DARS1: variants seen among roughly 807,000 people sequenced by gnomAD.
DARS1 encodes the protein aspartate--tRNA ligase, cytoplasmic.
A neutral mutation model predicts 68.8 loss-of-function variants in DARS1; 51 were observed. The observed-to-expected ratio is 0.74, with a 90% CI of 0.59 to 0.94. The LOEUF is 0.94. DARS1 is among the 40% of genes least tolerant of loss of function. DARS1 has a pLI of 0.00. For synonymous variants in DARS1, 203 were observed against 190.4 expected, an observed-to-expected ratio of 1.07 and a Z score of -0.55; for missense variants, 607 against 597.3, an observed-to-expected ratio of 1.02 and a Z score of -0.17.
chr2:135,966,525 T>C (rs1288698186), intron 3 of DARS1, among the ~76,000 whole-genome samples: 3 of 152,118 alleles, frequency 2.0e-5, no homozygotes, highest in Admixed American at 6.5e-5. Context: ...TCTTTTGATA[T>C]TTTATTTGTT....
At chr2:135,937,838 TA>T (rs1244341929) in intron 5 of DARS1, among the ~76,000 whole-genome samples, 4 of 152,240 alleles carry the variant, frequency 2.6e-5, no homozygotes, top group Admixed American at 2.6e-4. Flanking sequence ...TTCTGGCTTG[TA>T]AAGTTTCTGC....
Position 135,985,385 on chromosome 2 carries a change from G to C in DARS1, c.66+18C>G. 1 of 1,612,862 alleles carries C rather than the reference G, an allele frequency of 6.2e-7. No individual in the cohort carries two copies. Among genetic ancestry groups the C allele is most frequent in the Non-Finnish European group, 8.5e-7 (1 of 1,179,542 alleles). ...CCAGGGGTCTGTCCTCCCAGGCCCAGGAAAGGAGGAAACCCACTTCCGCCG... is the reference window on the plus strand; with the variant it reads ...CCAGGGGTCTGTCCTCCCAGGCCCACGAAAGGAGGAAACCCACTTCCGCCG... On this transcript the variant is annotated intron_variant, in intron 1 of 15. Coordinates refer to ENST00000264161, the MANE Select transcript of DARS1 (RefSeq NM_001349.4).
chr2:135,953,542 A>G (rs2104827336), intron 4 of DARS1, among the ~76,000 whole-genome samples: 1 of 152,358 alleles, frequency 6.6e-6, no homozygotes, highest in East Asian at 1.9e-4. Flanking sequence ...AAAAGCCCAA[A>G]GCCTAAGCAA....
chr2:135,907,300 G>A lies in DARS1; in HGVS notation c.*16C>T, dbSNP rs1680807201. 7.1e-7 allele frequency: 1 copy of A among 1,411,482 alleles called. No homozygotes were observed. The highest frequency in any genetic ancestry group is 9.7e-7 in the Non-Finnish European group (1 of 1,028,880). The allele number at this position is 1,411,482 out of a possible 1,614,324, so 87.4% of individuals were successfully genotyped here. A position where few individuals can be genotyped will look rare whatever the true frequency, so the allele number is the denominator to read the frequency against. On this transcript the variant is annotated 3_prime_UTR_variant, in exon 16 of 16. Transcript: ENST00000264161. Reference sequence around the variant, plus strand: ...GCTCTGTCATCCACACTGGAGTTAAGTGGCAAAGTGTGAATTTAAGGAGTG... The same window carrying A: ...GCTCTGTCATCCACACTGGAGTTAAATGGCAAAGTGTGAATTTAAGGAGTG...
intron 7 of DARS1, among the ~76,000 whole-genome samples, chr2:135,925,957 C>T (rs1681203979): frequency 6.6e-6 from 1 of 152,184 alleles, no homozygotes; most frequent in South Asian, 2.1e-4. Flanking sequence ...TTCAACTAAA[C>T]CTGGCTCACT....
Position 135,958,112 on chromosome 2 carries a change from C to A in DARS1, c.320+3284G>T, listed in dbSNP as rs964538927. 2.0e-4 allele frequency among the ~76,000 whole-genome samples: 30 copies of A among 152,132 alleles called. No individual in the cohort carries two copies. In the South Asian group the frequency reaches 3.3e-3, roughly 17 times the overall value. Reference sequence around the variant, plus strand: ...AGGATATTTCAGCTTCACAATTAACCAAAATTCTGCAAAGAGTAATCTAAG... The same window carrying A: ...AGGATATTTCAGCTTCACAATTAACAAAAATTCTGCAAAGAGTAATCTAAG... On this transcript the variant is annotated intron_variant, in intron 4 of 15. Transcript: ENST00000264161.
intron 3 of DARS1, among the ~76,000 whole-genome samples, chr2:135,971,976 T>C (rs1682380371): frequency 6.6e-6 from 1 of 152,098 alleles, no homozygotes; most frequent in Non-Finnish European, 1.5e-5. Context: ...TGTTCATGGA[T>C]GGGAAGAATC....
chr2:135,923,816 G>C (rs759996863), intron 8 of DARS1, among the ~76,000 whole-genome samples: 1 of 152,124 alleles, frequency 6.6e-6, no homozygotes, highest in Non-Finnish European at 1.5e-5. Flanking sequence ...TTGGGAGTTC[G>C]AGACCAGCCT....
chr2:135,913,988 A>T (rs1680949580), intron 12 of DARS1, among the ~76,000 whole-genome samples: 1 of 152,128 alleles, frequency 6.6e-6, no homozygotes, highest in Admixed American at 6.5e-5. Flanking sequence ...TCATTATATC[A>T]TTATCTTAAA....
In DARS1 at chr2:135,957,627, G is replaced by T. The variant is rs137906863; in HGVS notation, c.320+3769C>A. Among the ~76,000 whole-genome samples the T allele has an allele frequency of 2.3e-3, 357 of 152,248 alleles. 1 individual carries two copies. Among genetic ancestry groups the T allele is most frequent in the African/African-American group, 6.4e-3 (265 of 41,550 alleles). On this transcript the variant is annotated intron_variant, in intron 4 of 15. Coordinates refer to ENST00000264161, the MANE Select transcript of DARS1 (RefSeq NM_001349.4). ...ACGGCCCATTTTGGCCTCCCAAATT[G>T]CTGGGATTACAGGCATGAGCCACCA...
chr2:135,924,582 T>C (rs1681175232), intron 7 of DARS1, 84 bp from the exon 8 acceptor site: 1 of 1,483,366 alleles, frequency 6.7e-7, no homozygotes, highest in Non-Finnish European at 8.9e-7. Context: ...TGTGGAAACC[T>C]AACAATTCTT....
At chr2:135,941,728 C>T (rs1008455612) in intron 5 of DARS1, among the ~76,000 whole-genome samples, 3 of 151,782 alleles carry the variant, frequency 2.0e-5, no homozygotes, top group African/African-American at 7.3e-5. Flanking sequence ...AGGCAACCTA[C>T]AAAATGGGAG....
At chr2:135,972,677 C>A (rs1188535791) in intron 3 of DARS1, among the ~76,000 whole-genome samples, 1 of 152,188 alleles carries the variant, frequency 6.6e-6, no homozygotes, top group East Asian at 1.9e-4. Context: ...AACTACCCAT[C>A]TGACGAGGAA....
chr2:135,923,827 G>A (rs1278278572), intron 8 of DARS1, among the ~76,000 whole-genome samples: 1 of 152,118 alleles, frequency 6.6e-6, no homozygotes, highest in Non-Finnish European at 1.5e-5. Context: ...AGACCAGCCT[G>A]ACCAACATGG....
At chr2:135,919,406 A>G (rs997820925) in intron 10 of DARS1, among the ~76,000 whole-genome samples, 8 of 152,208 alleles carry the variant, frequency 5.3e-5, no homozygotes, top group African/African-American at 1.9e-4. Flanking sequence ...ACTCTTTTAA[A>G]ATACCAATGA....
In DARS1 at chr2:135,961,449, A is replaced by C; in HGVS notation, c.267T>G (p.Ala89=). The change falls in exon 4 of 16, where the codon GCT becomes GCG. Residue 89 remains alanine, a synonymous_variant. Transcript: ENST00000264161. ...TTGCATGGTCTCCCACCGCCACAAG[A>C]GCCTGGACATTAAACTGCTGCTGAC... ...VLRQQQFNVQ[A]LVAVGDHASK... 1.3e-6 allele frequency: 2 copies of C among 1,566,012 alleles called. No homozygotes were observed. Among genetic ancestry groups the C allele is most frequent in the Non-Finnish European group, 1.8e-6 (2 of 1,136,066 alleles).
At chr2:135,955,705 T>TTTTTTTG (rs1553446835) in intron 4 of DARS1, among the ~76,000 whole-genome samples, 1 of 123,446 alleles carries the variant, frequency 8.1e-6, no homozygotes, top group African/African-American at 3.3e-5. Context: ...TTTTTTTTTT[T>TTTTTTTG]AGACAGGGTC....
At chr2:135,939,037 T>TA (rs1021747109) in intron 5 of DARS1, among the ~76,000 whole-genome samples, 3 of 152,138 alleles carry the variant, frequency 2.0e-5, no homozygotes, top group African/African-American at 7.2e-5. Context: ...TACAGAGACT[T>TA]AGACTTCCTC....
At chr2:135,979,748 T>TA (rs1382890107) in intron 2 of DARS1, among the ~76,000 whole-genome samples, 1 of 152,210 alleles carries the variant, frequency 6.6e-6, no homozygotes, top group African/African-American at 2.4e-5. Flanking sequence ...CAATGACTTG[T>TA]AAGGCCAAAC....
Sources: allele counts gnomAD v4.1 joint callset (sites outside exome capture counted in the v4.1 genomes callset), GRCh38; gene constraint gnomAD v4.1.1; transcripts MANE v1.5; gene names NCBI Gene and HGNC (gene_info 2026-07-23, HGNC 2026-07-21).